Variants in LRP1B observed in about 807,000 individuals in gnomAD.
The protein encoded by LRP1B is low-density lipoprotein receptor-related protein 1B.
In LRP1B, 217 loss-of-function variants were observed where a neutral mutation model predicts 556.6. The observed-to-expected ratio is 0.39, with a 90% CI of 0.35 to 0.44. The LOEUF (loss-of-function observed/expected upper bound fraction) is 0.44, where lower values mean the gene tolerates loss of function less well. Ranked by LOEUF, LRP1B falls within the 20% of genes least tolerant of loss-of-function variation. LRP1B has a pLI of 1.00. For missense variants in LRP1B, 5,053 were observed against 5,620.8 expected (o/e 0.90, Z 3.23); for synonymous variants, 2,047 against 1,865.8 (o/e 1.10, Z -2.50).
At chr2:141,564,964 T>G (rs1686279525) in intron 2 of LRP1B, among the ~76,000 whole-genome samples, 1 of 152,028 alleles carries the variant, frequency 6.6e-6, no homozygotes, top group African/African-American at 2.4e-5. Context: ...CTTGAAGGAA[T>G]AAGACATTTT....
At chr2:142,126,849 C>G (rs1169707243) in intron 1 of LRP1B, among the ~76,000 whole-genome samples, 1 of 151,816 alleles carries the variant, frequency 6.6e-6, no homozygotes, top group East Asian at 1.9e-4. Flanking sequence ...AGACCAAGTC[C>G]TGTTCAGTTC....
intron 84 of LRP1B, among the ~76,000 whole-genome samples, chr2:140,277,713 AATACCGAT>A (rs1215869857): frequency 3.9e-5 from 6 of 151,982 alleles, no homozygotes; most frequent in Admixed American, 1.3e-4. Flanking sequence ...ACTTCAATGA[AATACCGAT>A]ACACACCCAC....
intron 1 of LRP1B, among the ~76,000 whole-genome samples, chr2:142,052,895 T>C (rs960095410): frequency 1.3e-5 from 2 of 152,116 alleles, no homozygotes; most frequent in African/African-American, 4.8e-5. Flanking sequence ...ATTTTCTTTA[T>C]AAACACATAA....
chr2:140,641,503 A>G (rs538705102), intron 41 of LRP1B, among the ~76,000 whole-genome samples: 25 of 152,342 alleles, frequency 1.6e-4, no homozygotes, highest in Admixed American at 1.5e-3. Context: ...CACCTTGATA[A>G]TATCACAGCT....
chr2:141,357,941 T>C (rs1315011065), intron 3 of LRP1B, among the ~76,000 whole-genome samples: 1 of 152,222 alleles, frequency 6.6e-6, no homozygotes, highest in Non-Finnish European at 1.5e-5. Context: ...CATTCTTTGC[T>C]AATTACAAAA....
At chr2:141,323,084 A>G (rs1012588607) in intron 3 of LRP1B, among the ~76,000 whole-genome samples, 2 of 152,080 alleles carry the variant, frequency 1.3e-5, no homozygotes, top group Admixed American at 1.3e-4. Flanking sequence ...AATTACTATT[A>G]CTACTGCTGC....
intron 1 of LRP1B, among the ~76,000 whole-genome samples, chr2:141,873,720 G>A (rs538067219): frequency 6.8e-4 from 103 of 151,544 alleles, no homozygotes; most frequent in African/African-American, 2.4e-3. Flanking sequence ...AGTAGAAAAA[G>A]TACAAACTGA....
intron 2 of LRP1B, among the ~76,000 whole-genome samples, chr2:141,561,866 TACC>T (rs1164502916): frequency 6.6e-6 from 1 of 151,498 alleles, no homozygotes; most frequent in Non-Finnish European, 1.5e-5. Context: ...GTCTTAACAT[TACC>T]ACGATAGCTT....
intron 3 of LRP1B, among the ~76,000 whole-genome samples, chr2:141,440,827 C>T (rs1559071759): frequency 6.6e-6 from 1 of 152,262 alleles, no homozygotes; most frequent in Non-Finnish European, 1.5e-5. Flanking sequence ...CAAGTTGCAG[C>T]GGTGGTTCTC....
chr2:140,322,192 A>C, intron 81 of LRP1B, 104 bp from the exon 82 acceptor site: 1 of 1,105,850 alleles, frequency 9.0e-7, no homozygotes, highest in Non-Finnish European at 1.3e-6. Context: ...AATGTTGAAA[A>C]GTAATCACAT....
chr2:141,262,588 TA>T (rs1163331222), intron 3 of LRP1B, among the ~76,000 whole-genome samples: 1 of 152,170 alleles, frequency 6.6e-6, no homozygotes, highest in Non-Finnish European at 1.5e-5. Flanking sequence ...TTAATTTCCA[TA>T]AATGGTAAAA....
chr2:140,605,244 C>G (rs1189672195), intron 41 of LRP1B, among the ~76,000 whole-genome samples: 5 of 152,104 alleles, frequency 3.3e-5, no homozygotes, highest in African/African-American at 1.2e-4. Flanking sequence ...TTTGGAGGAT[C>G]TGAGTTATTT....
chr2:140,618,526 A>T (rs1683335315), intron 41 of LRP1B, among the ~76,000 whole-genome samples: 1 of 152,176 alleles, frequency 6.6e-6, no homozygotes, highest in Non-Finnish European at 1.5e-5. Flanking sequence ...TAAGTTAGAA[A>T]CAAAGATATG....
intron 18 of LRP1B, among the ~76,000 whole-genome samples, chr2:140,978,865 C>T (rs1696682774): frequency 6.6e-6 from 1 of 152,198 alleles, no homozygotes; most frequent in Non-Finnish European, 1.5e-5. Context: ...TTTACCGATA[C>T]TCTGTAAAAT....
intron 3 of LRP1B, among the ~76,000 whole-genome samples, chr2:141,431,498 A>T (rs1352792331): frequency 6.6e-6 from 1 of 152,182 alleles, no homozygotes; most frequent in African/African-American, 2.4e-5. Context: ...AAACATTTTT[A>T]TCATCTGCTG....
intron 22 of LRP1B, among the ~76,000 whole-genome samples, chr2:140,906,663 T>C (rs1042442603): frequency 1.8e-4 from 28 of 152,198 alleles, no homozygotes; most frequent in African/African-American, 6.5e-4. Context: ...GTCTAGTTTT[T>C]CCATAATTAC....
intron 8 of LRP1B, 55 bp downstream of exon 8, chr2:141,061,996 A>C: frequency 6.9e-7 from 1 of 1,441,428 alleles, no homozygotes; most frequent in Non-Finnish European, 9.7e-7. Context: ...AAATTTTGGT[A>C]TTATTCCTTT....
At chr2:140,341,199 C>CGT in intron 77 of LRP1B, among the ~76,000 whole-genome samples, 1 of 151,726 alleles carries the variant, frequency 6.6e-6, no homozygotes, top group East Asian at 2.0e-4. Flanking sequence ...ATTATGAATA[C>CGT]GTGTGTGTGC....
At chr2:141,901,877 C>T (rs902970734) in intron 1 of LRP1B, among the ~76,000 whole-genome samples, 1 of 151,558 alleles carries the variant, frequency 6.6e-6, no homozygotes, top group African/African-American at 2.4e-5. Context: ...TTTCTATAGA[C>T]ATGAAAACTA....
Sources: allele counts gnomAD v4.1 joint callset (sites outside exome capture counted in the v4.1 genomes callset), GRCh38; gene constraint gnomAD v4.1.1; transcripts MANE v1.5; gene names NCBI Gene and HGNC (gene_info 2026-07-23, HGNC 2026-07-21).